Variants in CSMD1 observed in about 807,000 individuals in gnomAD.
CSMD1 encodes CUB and Sushi multiple domains 1.
Under a neutral mutation model 417.5 loss-of-function variants are expected in CSMD1, and 213 were observed. The ratio of observed to expected loss-of-function variants is 0.51; its 90% CI spans 0.46 to 0.57. CSMD1 has a LOEUF of 0.57. Among genes scored for constraint, CSMD1 ranks in the 20% least tolerant of loss-of-function variants. The probability of loss-of-function intolerance (pLI) is 0.00; values close to 1 mark genes in which losing one functional copy is unlikely to be tolerated. For missense variants in CSMD1, 6,923 were observed against 4,529.7 expected, an observed-to-expected ratio of 1.53 and a Z score of -15.17; for synonymous variants, 2,862 against 1,736.8, an observed-to-expected ratio of 1.65 and a Z score of -16.11.
chr8:4,077,703 C>A (rs1221551837), intron 3 of CSMD1, among the ~76,000 whole-genome samples: 1 of 152,112 alleles, frequency 6.6e-6, no homozygotes, highest in African/African-American at 2.4e-5. Context: ...GAGTTTAATT[C>A]TTGTTTCTTA....
At chr8:3,439,309 A>ATATATATATATATATATATATTTT in intron 12 of CSMD1, among the ~76,000 whole-genome samples, 24 of 62,426 alleles carry the variant, frequency 3.8e-4, no homozygotes, top group Admixed American at 6.6e-4. Flanking sequence ...ATATATATAT[A>ATATATATATATATATATATATTTT]TTTTTTTTTT....
intron 7 of CSMD1, among the ~76,000 whole-genome samples, chr8:3,629,541 T>A (rs1796671421): frequency 6.6e-6 from 1 of 152,194 alleles, no homozygotes; most frequent in Non-Finnish European, 1.5e-5. Context: ...CTCCTCATCT[T>A]TTTCTCCTGT....
At chr8:4,331,809 C>A (rs949774655) in intron 3 of CSMD1, among the ~76,000 whole-genome samples, 1 of 152,098 alleles carries the variant, frequency 6.6e-6, no homozygotes. Context: ...CAGTATTTTT[C>A]CTCCAAGCAA....
At chr8:3,507,905 T>C (rs1442645521) in intron 10 of CSMD1, among the ~76,000 whole-genome samples, 1 of 152,186 alleles carries the variant, frequency 6.6e-6, no homozygotes, top group Non-Finnish European at 1.5e-5. Context: ...TTCTGGATAT[T>C]AGCCCTTTGT....
intron 5 of CSMD1, among the ~76,000 whole-genome samples, chr8:3,758,716 C>G (rs771035502): frequency 6.6e-6 from 1 of 152,176 alleles, no homozygotes; most frequent in Admixed American, 6.5e-5. Flanking sequence ...CAGAATCATA[C>G]CTGCTACAGA....
chr8:4,704,316 G>A (rs193025707), intron 1 of CSMD1, among the ~76,000 whole-genome samples: 1 of 152,324 alleles, frequency 6.6e-6, no homozygotes, highest in African/African-American at 2.4e-5. Flanking sequence ...AGCATTGAGT[G>A]TCTTACTGTA....
At chr8:4,840,853 TA>T (rs993962313) in intron 1 of CSMD1, among the ~76,000 whole-genome samples, 2 of 152,364 alleles carry the variant, frequency 1.3e-5, no homozygotes, top group East Asian at 3.9e-4. Flanking sequence ...CCACTATTAA[TA>T]AAAATACATT....
chr8:3,214,020 A>G (rs903938127), intron 30 of CSMD1, among the ~76,000 whole-genome samples: 2 of 151,852 alleles, frequency 1.3e-5, no homozygotes, highest in African/African-American at 4.8e-5. Context: ...TAATTTTTGT[A>G]TTTTTAGCGG....
intron 3 of CSMD1, among the ~76,000 whole-genome samples, chr8:4,177,402 A>G (rs1041867044): frequency 2.6e-5 from 4 of 152,112 alleles, no homozygotes; most frequent in Non-Finnish European, 5.9e-5. Flanking sequence ...GACACAACAT[A>G]CCAGAATCTC....
intron 3 of CSMD1, among the ~76,000 whole-genome samples, chr8:4,108,612 C>T (rs994393026): frequency 1.3e-5 from 2 of 152,198 alleles, no homozygotes; most frequent in African/African-American, 2.4e-5. Context: ...CACAGGTTCC[C>T]GGCCCGAGAG....
intron 3 of CSMD1, among the ~76,000 whole-genome samples, chr8:4,059,584 G>A (rs1343007614): frequency 2.0e-5 from 3 of 151,818 alleles, no homozygotes; most frequent in Admixed American, 1.3e-4. Context: ...GAATCAAATA[G>A]ATGCAATAAA....
chr8:4,519,741 T>C (rs1276149441), intron 2 of CSMD1, among the ~76,000 whole-genome samples: 4 of 16,620 alleles, frequency 2.4e-4, no homozygotes, highest in Admixed American at 2.0e-3. Flanking sequence ...AGACTTCATC[T>C]CAAAAAAAAA....
chr8:3,740,456 G>C (rs1019766819), intron 6 of CSMD1, among the ~76,000 whole-genome samples: 5 of 152,292 alleles, frequency 3.3e-5, no homozygotes, highest in Middle Eastern at 3.4e-3. Context: ...ACTTTTGCAG[G>C]AGAACTCAGA....
chr8:2,994,363 G>T (rs945480335), intron 54 of CSMD1, among the ~76,000 whole-genome samples: 1 of 152,026 alleles, frequency 6.6e-6, no homozygotes, highest in Non-Finnish European at 1.5e-5. Flanking sequence ...CCTTGCAGTG[G>T]GTGGATTCTT....
chr8:4,090,647 G>T (rs948979355), intron 3 of CSMD1, among the ~76,000 whole-genome samples: 1 of 152,154 alleles, frequency 6.6e-6, no homozygotes, highest in Non-Finnish European at 1.5e-5. Flanking sequence ...CTGAACTTAA[G>T]TAATTTAAGT....
At chr8:4,858,334 A>C (rs920097203) in intron 1 of CSMD1, among the ~76,000 whole-genome samples, 4 of 151,826 alleles carry the variant, frequency 2.6e-5, no homozygotes, top group Admixed American at 2.6e-4. Context: ...AACTGGAAGC[A>C]TTCCCTTTGA....
At chr8:4,529,884 TTAAA>T (rs1203067218) in intron 2 of CSMD1, among the ~76,000 whole-genome samples, 8 of 136,214 alleles carry the variant, frequency 5.9e-5, no homozygotes, top group Non-Finnish European at 1.1e-4. Flanking sequence ...TTTTTTTTTT[TTAAA>T]TTTATTTAAT....
chr8:4,466,388 G>A (rs1392607357), intron 2 of CSMD1, among the ~76,000 whole-genome samples: 2 of 152,022 alleles, frequency 1.3e-5, no homozygotes, highest in South Asian at 2.1e-4. Context: ...TCGGGGAGTT[G>A]AAGAAAAAAC....
intron 3 of CSMD1, among the ~76,000 whole-genome samples, chr8:4,366,854 G>A (rs939096031): frequency 6.6e-6 from 1 of 152,058 alleles, no homozygotes; most frequent in South Asian, 2.1e-4. Context: ...CTTCTTTTGA[G>A]AAGTGCCTGT....
Sources: allele counts gnomAD v4.1 joint callset (sites outside exome capture counted in the v4.1 genomes callset), GRCh38; gene constraint gnomAD v4.1.1; transcripts MANE v1.5; gene names NCBI Gene and HGNC (gene_info 2026-07-23, HGNC 2026-07-21).